HACL2: variants seen among roughly 807,000 people sequenced by gnomAD.
The protein encoded by HACL2 is 2-hydroxyacyl-CoA lyase 2.
chr19:15,123,466 C>A, the HACL2 span: 1 of 1,614,096 alleles, frequency 6.2e-7, no homozygotes, highest in Admixed American at 1.7e-5. This position sits in a 1 kb window ranked among gnomAD's most constrained non-coding sequence, Gnocchi z 5.1. Flanking sequence ...CACAGGCCAC[C>A]AGCAGCGGGG....
the HACL2 span, chr19:15,115,254 A>C: frequency 6.2e-7 from 1 of 1,614,120 alleles, no homozygotes; most frequent in Non-Finnish European, 8.5e-7. Context: ...ACAAGGCCCT[A>C]TACAGCAATG....
At chr19:15,119,504 A>T in the HACL2 span, 1 of 1,613,776 alleles carries the variant, frequency 6.2e-7, no homozygotes, top group Non-Finnish European at 8.5e-7. Flanking sequence ...GGATCTCCAC[A>T]CAGCGCTGAA....
the HACL2 span, chr19:15,119,224 G>T: frequency 1.2e-6 from 2 of 1,608,528 alleles, no homozygotes; most frequent in Non-Finnish European, 1.7e-6. Flanking sequence ...CCCGGATGTG[G>T]AGGGGGTGGT....
chr19:15,119,720 T>C, the HACL2 span, among the ~76,000 whole-genome samples: 5 of 152,062 alleles, frequency 3.3e-5, no homozygotes, highest in South Asian at 1.0e-3. Context: ...CTGGCTAACT[T>C]TTGTATTTTC....
At chr19:15,122,672 G>C in the HACL2 span, 11 of 1,593,086 alleles carry the variant, frequency 6.9e-6, no homozygotes, top group African/African-American at 1.5e-4. This position sits in a 1 kb window ranked among gnomAD's most constrained non-coding sequence, Gnocchi z 4.0. Context: ...AGGAGGGAAT[G>C]GCAGGGGTGG....
the HACL2 span, chr19:15,119,998 T>C: frequency 1.1e-5 from 17 of 1,549,748 alleles, no homozygotes; most frequent in African/African-American, 2.2e-4. Context: ...CGGGGAAGCC[T>C]GGGGGATGTC....
the HACL2 span, among the ~76,000 whole-genome samples, chr19:15,120,269 G>A: frequency 7.2e-5 from 11 of 152,112 alleles, no homozygotes; most frequent in African/African-American, 1.9e-4. Context: ...GTTTGCCCTC[G>A]GTAGCCTCTG....
At chr19:15,118,050 C>A in the HACL2 span, 1 of 1,612,688 alleles carries the variant, frequency 6.2e-7, no homozygotes, top group South Asian at 1.1e-5. Context: ...TAGGCAGAGG[C>A]CCCATGTCGT....
the HACL2 span, chr19:15,124,762 C>A: frequency 1.0e-6 from 1 of 954,484 alleles, no homozygotes. Flanking sequence ...CCATACACAG[C>A]GTGGCAATGG....
At chr19:15,117,571 G>A in the HACL2 span, 1 of 236,640 alleles carries the variant, frequency 4.2e-6, no homozygotes, top group East Asian at 9.0e-5. Flanking sequence ...CAGCTACTCA[G>A]GAGGCTGAGG....
chr19:15,119,462 C>T, the HACL2 span: 8 of 1,614,148 alleles, frequency 5.0e-6, no homozygotes, highest in Admixed American at 1.7e-5. Flanking sequence ...CCTGACTCCC[C>T]AGCACCATCA....
chr19:15,121,258 C>CA, the HACL2 span, among the ~76,000 whole-genome samples: 29 of 151,786 alleles, frequency 1.9e-4, no homozygotes, highest in South Asian at 4.2e-4. Context: ...GACTCCGTCT[C>CA]AAAAAAAATA....
At chr19:15,119,843 G>A in the HACL2 span, 411,075 of 624,064 alleles carry the variant, frequency 0.66, 140,376 homozygotes, top group Middle Eastern at 0.73. Flanking sequence ...GAGCCACCGC[G>A]TCCAGCCAAA....
chr19:15,115,327 G>A, the HACL2 span: 3 of 1,614,156 alleles, frequency 1.9e-6, no homozygotes, highest in Non-Finnish European at 2.5e-6. Context: ...GGCCGTCTCG[G>A]CACTGCTGCT....
At chr19:15,119,921 G>A in the HACL2 span, 1 of 1,121,384 alleles carries the variant, frequency 8.9e-7, no homozygotes, top group Admixed American at 2.6e-5. Context: ...GAGAGGGTCA[G>A]GGGGCCCTCT....
the HACL2 span, chr19:15,124,967 G>A: frequency 2.5e-6 from 4 of 1,607,574 alleles, no homozygotes; most frequent in Middle Eastern, 1.8e-4. Context: ...GGTGAGCGGC[G>A]CCCAGCAAGG....
the HACL2 span, chr19:15,120,116 G>A: frequency 7.5e-7 from 1 of 1,325,572 alleles, no homozygotes; most frequent in Non-Finnish European, 1.1e-6. Flanking sequence ...CAAGTTGCCA[G>A]AATTAACTAA....
the HACL2 span, chr19:15,117,688 A>C: frequency 3.2e-5 from 18 of 565,206 alleles, no homozygotes; most frequent in Non-Finnish European, 5.5e-5. Flanking sequence ...CTAAAAAATA[A>C]AAATAAAAAA....
the HACL2 span, chr19:15,123,092 C>A: frequency 6.2e-7 from 1 of 1,612,504 alleles, no homozygotes; most frequent in African/African-American, 1.3e-5. This position sits in a 1 kb window ranked among gnomAD's most constrained non-coding sequence, Gnocchi z 5.1. Flanking sequence ...CCTAGGCCCC[C>A]ACTGGCCCCC....
Sources: allele counts gnomAD v4.1 joint callset (sites outside exome capture counted in the v4.1 genomes callset), GRCh38; gene constraint gnomAD v4.1.1; non-coding constraint Gnocchi (gnomAD v3.1); transcripts MANE v1.5; gene names NCBI Gene and HGNC (gene_info 2026-07-23, HGNC 2026-07-21).